DLGAP2: variants seen among roughly 807,000 people sequenced by gnomAD.
DLGAP2 encodes the protein DLG associated protein 2.
A neutral mutation model predicts 100.3 loss-of-function variants in DLGAP2; 26 were observed. The ratio of observed to expected loss-of-function variants is 0.26; its 90% CI spans 0.19 to 0.36. The LOEUF (loss-of-function observed/expected upper bound fraction) is 0.36. Among genes scored for constraint, DLGAP2 ranks in the 10% least tolerant of loss-of-function variants. DLGAP2 has a pLI of 1.00. For synonymous variants in DLGAP2, 886 were observed against 630.1 expected (o/e 1.41, Z -6.08); for missense variants, 1,858 against 1,453.2 (o/e 1.28, Z -4.53).
chr8:1,379,248 G>A (rs1246030858), intron 3 of DLGAP2, among the ~76,000 whole-genome samples: 1 of 152,250 alleles, frequency 6.6e-6, no homozygotes, highest in African/African-American at 2.4e-5. Context: ...ATGCAGTGCC[G>A]GCTCTGTGCC....
chr8:1,173,603 C>A (rs1457127427), intron 2 of DLGAP2, among the ~76,000 whole-genome samples: 1 of 152,184 alleles, frequency 6.6e-6, no homozygotes, highest in Non-Finnish European at 1.5e-5. Flanking sequence ...GCCCCTCCCC[C>A]AGCCTCCCTG....
At chr8:763,643 G>A (rs1191933025) in intron 1 of DLGAP2, among the ~76,000 whole-genome samples, 1 of 152,048 alleles carries the variant, frequency 6.6e-6, no homozygotes. Flanking sequence ...GGTCGGTGGC[G>A]ACCCAGAGAG....
At chr8:1,166,282 A>G (rs1563225880) in intron 2 of DLGAP2, among the ~76,000 whole-genome samples, 1 of 152,152 alleles carries the variant, frequency 6.6e-6, no homozygotes, top group Non-Finnish European at 1.5e-5. Context: ...CCCGTGCAAG[A>G]TGCACCACCC....
At chr8:1,225,370 A>G (rs1015839896) in intron 2 of DLGAP2, among the ~76,000 whole-genome samples, 4 of 152,278 alleles carry the variant, frequency 2.6e-5, no homozygotes, top group African/African-American at 9.6e-5. Context: ...TGAAATATCC[A>G]TAACTGGTAA....
At chr8:1,448,361 G>A (rs1409533378) in intron 3 of DLGAP2, among the ~76,000 whole-genome samples, 1 of 152,114 alleles carries the variant, frequency 6.6e-6, no homozygotes, top group African/African-American at 2.4e-5. Flanking sequence ...AGTCATTCAG[G>A]AGCAGGTGGT....
intron 1 of DLGAP2, among the ~76,000 whole-genome samples, chr8:748,605 G>A (rs1347073851): frequency 6.6e-6 from 1 of 152,188 alleles, no homozygotes; most frequent in Non-Finnish European, 1.5e-5. Context: ...ACGCACTTTA[G>A]CTTTTTAAAA....
intron 8 of DLGAP2, among the ~76,000 whole-genome samples, chr8:1,638,528 C>A (rs994306561): frequency 6.6e-6 from 1 of 152,126 alleles, no homozygotes; most frequent in East Asian, 1.9e-4. Context: ...AATGAAGACC[C>A]GCGGCCCGGC....
chr8:1,141,525 A>T (rs561600376), intron 2 of DLGAP2, among the ~76,000 whole-genome samples: 9 of 152,182 alleles, frequency 5.9e-5, no homozygotes, highest in African/African-American at 2.2e-4. Context: ...GTTGTGGTCA[A>T]ATAGGATCTT....
intron 4 of DLGAP2, among the ~76,000 whole-genome samples, chr8:1,546,122 A>G (rs1368301641): frequency 6.6e-6 from 1 of 152,250 alleles, no homozygotes; most frequent in East Asian, 1.9e-4. Flanking sequence ...AATATATTAA[A>G]GTGCTCTCAT....
intron 2 of DLGAP2, among the ~76,000 whole-genome samples, chr8:1,152,397 C>G (rs571734594): frequency 6.6e-6 from 1 of 152,210 alleles, no homozygotes; most frequent in Non-Finnish European, 1.5e-5. Flanking sequence ...TGCCTCAATG[C>G]AATGACACTA....
rs575128513 is a variant in DLGAP2, at chr8:1,676,582, A to C, written c.2252A>C (p.Tyr751Ser). ...SDTESRGLRE[Y>S]HSVGVQVEDE... is the part of the protein sequence containing the mutation. ...ACGGAGAGCCGCGGTCTGCGGGAAT[A>C]CCACTCTGTCGGGGTGCAAGTGGAA... Residue 751 changes from tyrosine to serine, a missense_variant, in exon 11 of 15, where the codon TAC becomes TCC. Coordinates refer to ENST00000637795, the MANE Select transcript of DLGAP2 (RefSeq NM_001346810.2). 6.2e-7 allele frequency: 1 copy of C among 1,613,472 alleles called. No homozygotes were observed. The highest frequency in any genetic ancestry group is 1.3e-5 in the African/African-American group (1 of 75,030).
At chr8:822,123 C>A in intron 1 of DLGAP2, 1 of 399,642 alleles carries the variant, frequency 2.5e-6, no homozygotes, top group Non-Finnish European at 4.4e-6. Context: ...TGGCCCTAGC[C>A]CTGCGCGGCT....
intron 3 of DLGAP2, among the ~76,000 whole-genome samples, chr8:1,292,971 G>T (rs1800094410): frequency 2.0e-5 from 3 of 152,128 alleles, no homozygotes; most frequent in African/African-American, 7.2e-5. Flanking sequence ...GTCTCCCCCA[G>T]AGCACAACGG....
intron 1 of DLGAP2, among the ~76,000 whole-genome samples, chr8:836,135 C>A (rs1201171146): frequency 1.3e-5 from 2 of 152,196 alleles, no homozygotes; most frequent in African/African-American, 4.8e-5. Flanking sequence ...TTTCTCTGGT[C>A]TTAAATTTAG....
At chr8:1,455,617 C>T (rs1257434449) in intron 3 of DLGAP2, among the ~76,000 whole-genome samples, 1 of 152,254 alleles carries the variant, frequency 6.6e-6, no homozygotes, top group Non-Finnish European at 1.5e-5. Context: ...CATCTTTGAG[C>T]TTGTCCTGCT....
chr8:839,811 C>G (rs1796947681), intron 1 of DLGAP2, among the ~76,000 whole-genome samples: 1 of 152,240 alleles, frequency 6.6e-6, no homozygotes, highest in African/African-American at 2.4e-5. Context: ...GCCTTCAGAT[C>G]TGTCTCCACT....
intron 1 of DLGAP2, among the ~76,000 whole-genome samples, chr8:882,416 C>T (rs1797825443): frequency 7.0e-6 from 1 of 142,922 alleles, no homozygotes; most frequent in African/African-American, 2.6e-5. Flanking sequence ...GCCTCTCCTG[C>T]GCGCACCCTC....
intron 3 of DLGAP2, among the ~76,000 whole-genome samples, chr8:1,465,569 C>T (rs1284472792): frequency 6.6e-6 from 1 of 152,170 alleles, no homozygotes; most frequent in Non-Finnish European, 1.5e-5. Context: ...TTCTGTGCCT[C>T]CCAGGGCACC....
At chr8:1,100,739 G>A (rs921918689) in intron 2 of DLGAP2, among the ~76,000 whole-genome samples, 6 of 152,144 alleles carry the variant, frequency 3.9e-5, no homozygotes, top group African/African-American at 1.2e-4. Context: ...CTCTTTCCAC[G>A]CATGATCTGC....
Sources: allele counts gnomAD v4.1 joint callset (sites outside exome capture counted in the v4.1 genomes callset), GRCh38; gene constraint gnomAD v4.1.1; transcripts MANE v1.5; gene names NCBI Gene and HGNC (gene_info 2026-07-23, HGNC 2026-07-21).